Variants in ZAP70 observed in about 807,000 individuals in gnomAD.
The protein encoded by ZAP70 is tyrosine-protein kinase ZAP-70.
ZAP70 carries 27 observed loss-of-function variants against 65.8 expected under a neutral mutation model. That is an observed-to-expected ratio of 0.41 (90% CI 0.30 to 0.57). The LOEUF is 0.57. ZAP70 is among the 20% of genes least tolerant of loss of function. ZAP70 has a pLI of 0.28. For synonymous variants in ZAP70, 363 were observed against 360.8 expected (o/e 1.01, Z -0.07); for missense variants, 696 against 870.5 (o/e 0.80, Z 2.52).
the ZAP70 span, among the ~76,000 whole-genome samples, chr2:97,749,530 G>A: frequency 1.3e-5 from 2 of 152,190 alleles, no homozygotes; most frequent in Non-Finnish European, 2.9e-5. Flanking sequence ...AGAGTTGCTA[G>A]GAGCATGCAT....
In ZAP70 at chr2:97,718,676, C is replaced by T. The variant is rs770692344; in HGVS notation, c.-22+4682C>T. 1.4e-4 allele frequency among the ~76,000 whole-genome samples: 22 copies of T among 152,318 alleles called. 1 individual carries two copies. The highest frequency in any genetic ancestry group is 1.0e-4 in the Non-Finnish European group (7 of 68,024). On this transcript the variant is annotated intron_variant, in intron 2 of 13. Coordinates refer to ENST00000264972, the MANE Select transcript of ZAP70 (RefSeq NM_001079.4). Reference sequence around the variant, plus strand: ...AGCCCTGGGCTGGGCACTGAGCCTCCCTCATCTCCTCTTCTGCCCTAACCC... The same window carrying T: ...AGCCCTGGGCTGGGCACTGAGCCTCTCTCATCTCCTCTTCTGCCCTAACCC...
chr2:97,724,754 G>A, intron 3 of ZAP70: 1 of 1,505,222 alleles, frequency 6.6e-7, no homozygotes, highest in Non-Finnish European at 8.9e-7. Flanking sequence ...GAGGGTGCGC[G>A]GGGCTAGGGT....
rs1676881040 is a variant in ZAP70, at chr2:97,715,682, C to A, written c.-22+1688C>A. On this transcript the variant is annotated intron_variant, in intron 2 of 13. Coordinates refer to ENST00000264972, the MANE Select transcript of ZAP70 (RefSeq NM_001079.4). This position sits in a 1 kb window ranked among gnomAD's most constrained non-coding sequence, Gnocchi z 4.1. ...CTGCTGCATTGGACAGACCTGAGTT[C>A]AAATCCTGGTGGCCCCTTGCAGGCT... Among the ~76,000 whole-genome samples the A allele has an allele frequency of 6.6e-6, 1 of 152,188 alleles. No homozygotes were observed. The highest frequency in any genetic ancestry group is 1.5e-5 in the Non-Finnish European group (1 of 68,040).
chr2:97,732,940 G>C lies in ZAP70; in HGVS notation c.621G>C (p.Thr207=). Reference sequence around the variant, plus strand: ...CCCTGTCCCTCATCTATGGGAAGACGGTGTACCACTACCTCATCAGCCAAG... The same window carrying C: ...CCCTGTCCCTCATCTATGGGAAGACCGTGTACCACTACCTCATCAGCCAAG... The part of the protein sequence containing the change: ...TYALSLIYGK[T]VYHYLISQDK... The change falls in exon 5 of 14, where the codon ACG becomes ACC. Residue 207 remains threonine (T), a synonymous_variant. Coordinates refer to ENST00000264972, the MANE Select transcript of ZAP70 (RefSeq NM_001079.4). The C allele has an allele frequency of 6.2e-7, 1 of 1,614,106 alleles. No homozygotes were observed. The highest frequency in any genetic ancestry group is 8.5e-7 in the Non-Finnish European group (1 of 1,180,036).
chr2:97,743,354 A>G (rs1023413743), downstream of ZAP70, among the ~76,000 whole-genome samples: 3 of 151,856 alleles, frequency 2.0e-5, no homozygotes, highest in Non-Finnish European at 4.4e-5. Flanking sequence ...CTTTTCTTTG[A>G]GATAAAGTTT....
chr2:97,739,241 G>A (rs956834325), intron 13 of ZAP70, 134 bp from the exon 14 acceptor site: 19 of 1,404,202 alleles, frequency 1.4e-5, no homozygotes, highest in African/African-American at 4.3e-5. Flanking sequence ...CCAATGTCCC[G>A]CCACCCCAAC....
At chr2:97,729,000 G>A (rs1677500047) in intron 4 of ZAP70, among the ~76,000 whole-genome samples, 1 of 152,186 alleles carries the variant, frequency 6.6e-6, no homozygotes, top group Admixed American at 6.5e-5. Context: ...TGATCCACCC[G>A]CCTTGGCCTC....
chr2:97,745,375 C>T, the ZAP70 span, among the ~76,000 whole-genome samples: 1 of 152,306 alleles, frequency 6.6e-6, no homozygotes, highest in East Asian at 1.9e-4. Flanking sequence ...AGGACATCAT[C>T]AAAGGGTAGC....
At chr2:97,743,769 T>C (rs946448071), downstream of ZAP70, among the ~76,000 whole-genome samples, 46 of 152,260 alleles carry the variant, frequency 3.0e-4, no homozygotes, top group African/African-American at 1.1e-3. Flanking sequence ...TTGGGGAGTT[T>C]GTGGAAATTT....
At position 97,739,372 on chromosome 2, in the gene ZAP70, C is replaced by T. The variant is rs56249179; in HGVS notation, c.1737-3C>T. Reference sequence around the variant, plus strand: ...CAGCCTGGATGTACCCCACGCCCCACAGGTGGGAGGATCGCCCCGACTTCC... The same window carrying T: ...CAGCCTGGATGTACCCCACGCCCCATAGGTGGGAGGATCGCCCCGACTTCC... On this transcript the variant is annotated splice_region_variant and splice_polypyrimidine_tract_variant and intron_variant, in intron 13 of 13. Coordinates refer to ENST00000264972, the MANE Select transcript of ZAP70 (RefSeq NM_001079.4). 2,863 of 1,613,378 alleles carry T rather than the reference C, an allele frequency of 1.8e-3. 3 individuals carry two copies. The highest frequency in any genetic ancestry group is 2.2e-3 in the Non-Finnish European group (2,651 of 1,179,826).
intron 4 of ZAP70, among the ~76,000 whole-genome samples, chr2:97,728,473 GT>G (rs1396217215): frequency 6.6e-6 from 1 of 152,236 alleles, no homozygotes; most frequent in African/African-American, 2.4e-5. Flanking sequence ...GACAGAAACT[GT>G]GAGAGCTTCT....
chr2:97,735,691 C>T (rs879553795), intron 10 of ZAP70, among the ~76,000 whole-genome samples: 2 of 152,192 alleles, frequency 1.3e-5, no homozygotes, highest in Non-Finnish European at 2.9e-5. Flanking sequence ...AGGGCCTTTG[C>T]GAGGATCGAA....
intron 13 of ZAP70, among the ~76,000 whole-genome samples, chr2:97,738,825 C>A (rs1202033799): frequency 6.6e-6 from 1 of 151,990 alleles, no homozygotes; most frequent in Non-Finnish European, 1.5e-5. Context: ...CAGGAAACAC[C>A]CAGGGCACCA....
At position 97,731,876 on chromosome 2, in the gene ZAP70, G is replaced by T. The variant is rs564153166; in HGVS notation, c.564-1007G>T. Among the ~76,000 whole-genome samples the T allele has an allele frequency of 3.3e-5, 5 of 152,310 alleles. No homozygotes were observed. The highest frequency in any genetic ancestry group is 1.2e-4 in the African/African-American group (5 of 41,552). Reference sequence around the variant, plus strand: ...CAATCCCTGAGATCAGGAGTCGGCTGCTTCCGGCCTCCACAGCTTCCACGG... The same window carrying T: ...CAATCCCTGAGATCAGGAGTCGGCTTCTTCCGGCCTCCACAGCTTCCACGG... On this transcript the variant is annotated intron_variant, in intron 4 of 13. Transcript: ENST00000264972. The surrounding 1 kb of genome is among the most constrained non-coding windows in gnomAD (Gnocchi z 4.0).
intron 2 of ZAP70, among the ~76,000 whole-genome samples, chr2:97,716,154 G>C (rs184898573): frequency 8.5e-5 from 13 of 152,268 alleles, no homozygotes; most frequent in Admixed American, 2.6e-4. Flanking sequence ...GCGCAGTTCT[G>C]GGCTGAGGGA....
intron 4 of ZAP70, among the ~76,000 whole-genome samples, chr2:97,727,524 G>C (rs896980305): frequency 6.6e-6 from 1 of 152,120 alleles, no homozygotes; most frequent in Non-Finnish European, 1.5e-5. Context: ...TTGCTCCCAC[G>C]TTCTCACATG....
intron 2 of ZAP70, among the ~76,000 whole-genome samples, chr2:97,719,548 C>T (rs1305782097): frequency 6.9e-6 from 1 of 145,022 alleles, no homozygotes; most frequent in Non-Finnish European, 1.5e-5. Context: ...TGCTGGAGAA[C>T]AGCCTGGGGG....
rs749711251 is a variant in ZAP70, at chr2:97,733,646, T to A, written c.889+51T>A. 25 of 1,607,882 alleles carry A rather than the reference T, an allele frequency of 1.6e-5. No homozygotes were observed. The South Asian group carries it at 2.0e-4, about 13-fold the overall frequency. On this transcript the variant is annotated intron_variant, in intron 8 of 13. Transcript: ENST00000264972. The stretch of plus-strand genomic sequence containing the variant: ...GGTTGGGGCTCATGCTGAGCCGAGA[T>A]CAGGGTCGCTGTCAGGGCTGTGGGG...
At position 97,735,259 on chromosome 2, in the gene ZAP70, C is replaced by T. The variant is rs747647743; in HGVS notation, c.1092C>T (p.Ile364=). 4 of 1,613,892 alleles carry T rather than the reference C, an allele frequency of 2.5e-6. No homozygotes were observed. The Admixed American group carries it at 5.0e-5, about 20-fold the overall frequency. ...QGVYRMRKKQ[I]DVAIKVLKQG... ...TGGCCGGGTCGGGCAGGAAGCAGATCGACGTGGCCATCAAGGTGCTGAAGC... is the reference window on the plus strand; with the variant it reads ...TGGCCGGGTCGGGCAGGAAGCAGATTGACGTGGCCATCAAGGTGCTGAAGC... The change falls in exon 10 of 14, where the codon ATC becomes ATT. Residue 364 remains isoleucine, a synonymous_variant. Transcript: ENST00000264972.
Sources: gnomAD v4.1 joint callset for allele counts (sites outside exome capture counted in the v4.1 genomes callset) on GRCh38, gnomAD v4.1.1 for gene constraint, Gnocchi (gnomAD v3.1) non-coding constraint, MANE v1.5 for transcripts, NCBI Gene and HGNC (gene_info 2026-07-23, HGNC 2026-07-21) for gene names.